Variants in TSNARE1 observed in about 807,000 individuals in gnomAD.
The protein encoded by TSNARE1 is t-SNARE domain-containing protein 1.
In TSNARE1, 49 loss-of-function variants were observed where a neutral mutation model predicts 62.0. The observed-to-expected ratio is 0.79, with a 90% CI of 0.63 to 1.00. TSNARE1 has a LOEUF of 1.00. Among genes scored for constraint, TSNARE1 ranks in the 50% least tolerant of loss-of-function variants. The probability of loss-of-function intolerance (pLI) is 0.00; values close to 1 mark genes in which losing one functional copy is unlikely to be tolerated. For missense variants in TSNARE1, 755 were observed against 700.1 expected (o/e 1.08, Z -0.88); for synonymous variants, 328 against 294.4 (o/e 1.11, Z -1.17).
At chr8:142,300,743 T>A in intron 9 of TSNARE1, 99 bp from the exon 10 acceptor site, 2 of 1,232,460 alleles carry the variant, frequency 1.6e-6, no homozygotes, top group South Asian at 1.5e-5. Flanking sequence ...CCCTTCACTA[T>A]CCCCATCTGC....
Position 142,319,094 on chromosome 8 carries a change from G to A in TSNARE1, c.894-460C>T, listed in dbSNP as rs1470571394. Among the ~76,000 whole-genome samples, 1 of 151,940 alleles carries A rather than the reference G, an allele frequency of 6.6e-6. No homozygotes were observed. Among genetic ancestry groups the A allele is most frequent in the South Asian group, 2.1e-4 (1 of 4,810 alleles). ...AGGTAAGCTCTGGCTGGGGTGGGTG[G>A]CCCAGCCAGAACAGTGGCAGCCGGG... On this transcript the variant is annotated intron_variant, in intron 6 of 13. Transcript: ENST00000524325. This position sits in a 1 kb window ranked among gnomAD's most constrained non-coding sequence, Gnocchi z 4.9.
At chr8:142,329,145 T>C (rs925444796) in intron 6 of TSNARE1, among the ~76,000 whole-genome samples, 2 of 152,186 alleles carry the variant, frequency 1.3e-5, no homozygotes, top group African/African-American at 4.8e-5. Flanking sequence ...GTCCATGATA[T>C]GGGAGCATCA....
intron 12 of TSNARE1, among the ~76,000 whole-genome samples, chr8:142,236,615 A>C (rs1251518469): frequency 6.6e-6 from 1 of 151,936 alleles, no homozygotes; most frequent in Non-Finnish European, 1.5e-5. Flanking sequence ...TAATTAAAAA[A>C]ATTCAGAAAT....
intron 7 of TSNARE1, among the ~76,000 whole-genome samples, chr8:142,317,747 C>T (rs1586765654): frequency 6.6e-6 from 1 of 152,048 alleles, no homozygotes; most frequent in Non-Finnish European, 1.5e-5. Flanking sequence ...CACTTGAGGC[C>T]GGGAGTTTGA....
chr8:142,248,163 C>T (rs1032041739), intron 12 of TSNARE1, among the ~76,000 whole-genome samples: 3 of 152,170 alleles, frequency 2.0e-5, no homozygotes, highest in South Asian at 2.1e-4. Context: ...CACCTGAGGA[C>T]GCAGCTGGGA....
chr8:142,324,541 T>G (rs1000696179), intron 6 of TSNARE1, among the ~76,000 whole-genome samples: 10 of 152,202 alleles, frequency 6.6e-5, no homozygotes, highest in Non-Finnish European at 1.3e-4. Flanking sequence ...GTACGGAGGC[T>G]CTCGCATTTG....
chr8:142,301,279 C>T (rs541355305), intron 9 of TSNARE1, among the ~76,000 whole-genome samples: 2 of 106,888 alleles, frequency 1.9e-5, no homozygotes, highest in South Asian at 4.0e-4. Context: ...GTCAGGAGCC[C>T]GCAGTGCCCC....
At chr8:142,398,489 CCGCCT>C (rs1838059693) in intron 1 of TSNARE1, among the ~76,000 whole-genome samples, 2 of 152,090 alleles carry the variant, frequency 1.3e-5, no homozygotes, top group African/African-American at 2.4e-5. Flanking sequence ...CCTCACTCCA[CCGCCT>C]CAACCTTGCT....
Position 142,324,164 on chromosome 8 carries a change from A to G in TSNARE1, c.894-5530T>C, listed in dbSNP as rs149645112. 6.3e-3 allele frequency among the ~76,000 whole-genome samples: 953 copies of G among 152,328 alleles called. 7 individuals carry two copies. The highest frequency in any genetic ancestry group is 0.017 in the Middle Eastern group (5 of 294). ...AGAAGCTGGCCTGAGATTGAATCTG[A>G]TGCATCAGCAGAGCCAAAAGAAACC... On this transcript the variant is annotated intron_variant, in intron 6 of 13. Transcript: ENST00000524325.
intron 12 of TSNARE1, chr8:142,270,611 G>A: frequency 1.0e-6 from 1 of 985,314 alleles, no homozygotes; most frequent in Non-Finnish European, 1.2e-6. Flanking sequence ...CTCCAAGTGT[G>A]CATGCCCACC....
chr8:142,243,260 G>A (rs567381614), intron 12 of TSNARE1, among the ~76,000 whole-genome samples: 5 of 152,238 alleles, frequency 3.3e-5, no homozygotes, highest in Admixed American at 1.3e-4. Flanking sequence ...GTATACATCC[G>A]AAGGAAATGA....
intron 10 of TSNARE1, 49 bp downstream of exon 10, chr8:142,300,437 C>G: frequency 6.4e-7 from 1 of 1,550,414 alleles, no homozygotes; most frequent in Non-Finnish European, 8.7e-7. Flanking sequence ...TGGTTCCCAG[C>G]CTCATGTGGA....
chr8:142,247,323 G>A (rs1817928957), intron 12 of TSNARE1, among the ~76,000 whole-genome samples: 1 of 152,256 alleles, frequency 6.6e-6, no homozygotes, highest in Non-Finnish European at 1.5e-5. Context: ...TAGAAGGTGG[G>A]ACATGGAGTC....
intron 10 of TSNARE1, among the ~76,000 whole-genome samples, chr8:142,289,471 C>T (rs1362031854): frequency 6.6e-6 from 1 of 152,210 alleles, no homozygotes; most frequent in Non-Finnish European, 1.5e-5. Context: ...AGCTGGGGAT[C>T]TCACGGAACC....
rs184548763 is a variant in TSNARE1, at chr8:142,263,131, G to A, written c.1446+11650C>T. On this transcript the variant is annotated intron_variant, in intron 12 of 13. Coordinates refer to ENST00000524325, the MANE Select transcript of TSNARE1 (RefSeq NM_145003.5). ...AAAGGAGGGCTCCTCATATCTCACC[G>A]TGAATGTTCGCTGTTGAGGTTTTGG... Among the ~76,000 whole-genome samples the A allele has an allele frequency of 3.9e-5, 6 of 152,294 alleles. No individual in the cohort carries two copies. The East Asian group carries it at 5.8e-4, about 15-fold the overall frequency.
intron 10 of TSNARE1, among the ~76,000 whole-genome samples, chr8:142,299,893 TA>T: frequency 6.6e-6 from 1 of 152,336 alleles, no homozygotes; most frequent in Non-Finnish European, 1.5e-5. Context: ...TATACATGTG[TA>T]AACTTTAAAG....
chr8:142,272,932 G>A (rs959963884), intron 12 of TSNARE1: 48 of 985,344 alleles, frequency 4.9e-5, no homozygotes, highest in African/African-American at 1.0e-4. Flanking sequence ...ATTCTATGCA[G>A]AGGCAACTTC....
intron 1 of TSNARE1, among the ~76,000 whole-genome samples, chr8:142,389,415 T>G (rs1022889872): frequency 6.6e-6 from 1 of 152,188 alleles, no homozygotes. Flanking sequence ...AATTTGGCAA[T>G]GTACATCAAA....
chr8:142,357,791 A>C (rs1834860201), intron 1 of TSNARE1, among the ~76,000 whole-genome samples: 1 of 152,198 alleles, frequency 6.6e-6, no homozygotes, highest in Non-Finnish European at 1.5e-5. Context: ...GTTAAGGAAG[A>C]GAACTCCCAG....
Sources: allele counts gnomAD v4.1 joint callset (sites outside exome capture counted in the v4.1 genomes callset), GRCh38; gene constraint gnomAD v4.1.1; non-coding constraint Gnocchi (gnomAD v3.1); transcripts MANE v1.5; gene names NCBI Gene and HGNC (gene_info 2026-07-23, HGNC 2026-07-21).